The following GFM1 variants were observed in gnomAD, a reference collection of about 807,000 sequenced individuals.
GFM1 encodes G elongation factor mitochondrial 1, also known as elongation factor G, mitochondrial.
A neutral mutation model predicts 96.2 loss-of-function variants in GFM1; 62 were observed. The observed-to-expected ratio is 0.64, with a 90% CI of 0.53 to 0.80. GFM1 has a LOEUF of 0.80. Ranked by LOEUF, GFM1 falls within the 30% of genes least tolerant of loss-of-function variation. The pLI, the probability that GFM1 is intolerant of heterozygous loss-of-function variation, is 0.00. For missense variants in GFM1, 852 were observed against 916.6 expected, an observed-to-expected ratio of 0.93 and a Z score of 0.91; for synonymous variants, 282 against 312.9, an observed-to-expected ratio of 0.90 and a Z score of 1.04.
chr3:158,658,463 C>T (rs1722942211), intron 8 of GFM1, among the ~76,000 whole-genome samples: 1 of 152,140 alleles, frequency 6.6e-6, no homozygotes, highest in Admixed American at 6.5e-5. Flanking sequence ...CCAGCCCAGC[C>T]ACAGAACTCT....
At position 158,662,646 on chromosome 3, in the gene GFM1, G is replaced by C. The variant is rs1051102095; in HGVS notation, c.1342G>C (p.Asp448His). The C allele has an allele frequency of 1.3e-6, 2 of 1,598,954 alleles. No homozygotes were observed. Among genetic ancestry groups the C allele is most frequent in the African/African-American group, 1.3e-5 (1 of 74,638 alleles). The change falls in exon 11 of 18, where the codon GAT (aspartate) becomes CAT (histidine). Residue 448 changes from aspartate to histidine, a missense_variant. By Grantham distance (81) the Asp-to-His change is moderately conservative. Coordinates refer to ENST00000486715, the MANE Select transcript of GFM1 (RefSeq NM_024996.7). ...ATTTTAGGAGTCAATTCATGTTCCT[G>C]ATCCTGTCATTTCAATAGCAATGAA... ...GLSMESIHVP[D>H]PVISIAMKPS... is the part of the protein sequence containing the mutation.
chr3:158,690,071 G>T, intron 15 of GFM1, 92 bp from the exon 16 acceptor site: 1 of 1,144,072 alleles, frequency 8.7e-7, no homozygotes, highest in Non-Finnish European at 1.3e-6. Flanking sequence ...TGTACCTTTG[G>T]GAAAGCATCA....
chr3:158,644,617 G>A lies in GFM1; in HGVS notation c.-18G>A. 1 of 1,560,364 alleles carries A rather than the reference G, an allele frequency of 6.4e-7. No individual in the cohort carries two copies. Among genetic ancestry groups the A allele is most frequent in the Non-Finnish European group, 8.7e-7 (1 of 1,152,576 alleles). On this transcript the variant is annotated 5_prime_UTR_variant, in exon 1 of 18. Transcript: ENST00000486715. ...CCACCCGGCGCCACGGGACTTTGAC[G>A]CGTGCTCTGCGCTTGCCATGAGACT...
At chr3:158,672,495 C>T in intron 13 of GFM1, 2 of 1,613,548 alleles carry the variant, frequency 1.2e-6, no homozygotes, top group African/African-American at 1.3e-5. Context: ...TGAGCAGTGA[C>T]TTCAGGGCTT....
In GFM1 at chr3:158,644,584, A is replaced by G. The variant is rs1029494701; in HGVS notation, c.-51A>G. The G allele has an allele frequency of 1.4e-6, 2 of 1,476,734 alleles. No homozygotes were observed. Among genetic ancestry groups the G allele is most frequent in the Non-Finnish European group, 1.8e-6 (2 of 1,081,382 alleles). 91.5% of individuals were successfully genotyped at this position (1,476,734 alleles called of 1,614,324 possible). On this transcript the variant is annotated 5_prime_UTR_variant, in exon 1 of 18. Coordinates refer to ENST00000486715, the MANE Select transcript of GFM1 (RefSeq NM_024996.7). ...GACCGCTTCCCGGTGCGTTACCGGC[A>G]GCTGAACCCACCCGGCGCCACGGGA...
rs1726005523 is a variant in GFM1, at chr3:158,688,017, A to T, written c.1910-2146A>T. 2.6e-5 allele frequency among the ~76,000 whole-genome samples: 4 copies of T among 152,184 alleles called. No individual in the cohort carries two copies. The South Asian group carries it at 8.3e-4, about 32-fold the overall frequency. ...AATGAGCTTAGTATAAGAATAGCTT[A>T]TAACTGTAAGATATTATAGTTATTA... On this transcript the variant is annotated intron_variant, in intron 15 of 17. Coordinates refer to ENST00000486715, the MANE Select transcript of GFM1 (RefSeq NM_024996.7).
rs1203852501 is a variant in GFM1 at position 158,668,890 on chromosome 3, A to G, written c.1601+2504A>G. ...TCCCCTTTGAAATCCCAGGTTTGCT[A>G]TTAAATACAAAATGACTATAGGAAT... On this transcript the variant is annotated intron_variant, in intron 13 of 17. Transcript: ENST00000486715. 6 of 1,024,044 alleles carry G rather than the reference A, an allele frequency of 5.9e-6. No individual in the cohort carries two copies. In the East Asian group the frequency reaches 1.6e-4, roughly 28 times the overall value. The allele number at this position is 1,024,044 out of a possible 1,614,324, so 63.4% of individuals were successfully genotyped here. A position where few individuals can be genotyped will look rare whatever the true frequency, so the allele number is the denominator to read the frequency against.
chr3:158,682,062 G>C lies in GFM1; in HGVS notation c.1669G>C (p.Glu557Gln). Residue 557 changes from glutamate (E) to glutamine (Q), a missense_variant, in exon 14 of 18, where the codon GAG becomes CAG. Transcript: ENST00000486715. ...GTATGGAAAAGTAATAGGTGTCCTGGAGCCTCTGGACCCAGAGGACTACAC... is the reference window on the plus strand; with the variant it reads ...GTATGGAAAAGTAATAGGTGTCCTGCAGCCTCTGGACCCAGAGGACTACAC... ...GQYGKVIGVL[E>Q]PLDPEDYTKL... 6.2e-7 allele frequency: 1 copy of C among 1,612,866 alleles called. No individual in the cohort carries two copies. Among genetic ancestry groups the C allele is most frequent in the Non-Finnish European group, 8.5e-7 (1 of 1,179,104 alleles).
chr3:158,652,070 A>G (rs747710750), intron 5 of GFM1, 26 bp from the exon 6 acceptor site: 1 of 1,608,694 alleles, frequency 6.2e-7, no homozygotes, highest in Admixed American at 1.7e-5. Flanking sequence ...AATATCCTTA[A>G]AGCACCAAAA....
At chr3:158,685,632 T>G (rs1284277413) in intron 15 of GFM1, among the ~76,000 whole-genome samples, 1 of 152,200 alleles carries the variant, frequency 6.6e-6, no homozygotes, top group African/African-American at 2.4e-5. Flanking sequence ...TGCTGATTCC[T>G]TATTTTACTT....
rs779795698 is a variant in GFM1 at position 158,654,554 on chromosome 3, A to G, written c.1006A>G (p.Lys336Glu). 5.0e-6 allele frequency: 8 copies of G among 1,600,418 alleles called. No homozygotes were observed. The highest frequency in any genetic ancestry group is 1.7e-6 in the Non-Finnish European group (2 of 1,167,824). The change falls in exon 8 of 18, where the codon AAA becomes GAA. Residue 336 changes from lysine (K) to glutamate (E), a missense_variant. Coordinates refer to ENST00000486715, the MANE Select transcript of GFM1 (RefSeq NM_024996.7). ...YAILNKEDDS[K>E]EKTKILMNSS... ...TATTTCTTTTATTTTAAGTGACTCA[A>G]AAGAGAAAACCAAAATCCTAATGAA...
chr3:158,649,195 TA>T (rs1722095358), intron 5 of GFM1, 38 bp downstream of exon 5: 2 of 829,160 alleles, frequency 2.4e-6, no homozygotes, highest in Non-Finnish European at 4.2e-6. Flanking sequence ...TTTTAAATTT[TA>T]AAAAGCATTA....
rs951697096 is a variant in GFM1 at position 158,682,229 on chromosome 3, T to G, written c.1764+72T>G. On this transcript the variant is annotated intron_variant, in intron 14 of 17. Transcript: ENST00000486715. ...GTTTATCAGGTATTAAATCATACTT[T>G]GTCTTCCATCATGTTGTCTATCACA... 2.1e-5 allele frequency: 26 copies of G among 1,265,316 alleles called. 1 individual carries two copies. Among genetic ancestry groups the G allele is most frequent in the Non-Finnish European group, 2.9e-5 (26 of 885,500 alleles). The allele number at this position is 1,265,316 out of a possible 1,614,324, so 78.4% of individuals were successfully genotyped here.
intron 8 of GFM1, chr3:158,656,016 T>C: frequency 2.3e-6 from 1 of 436,150 alleles, no homozygotes; most frequent in South Asian, 1.7e-5. Flanking sequence ...GTTTATTATT[T>C]GATGCTTTTC....
At chr3:158,663,896 G>A (rs1723399719) in intron 11 of GFM1, among the ~76,000 whole-genome samples, 2 of 152,080 alleles carry the variant, frequency 1.3e-5, no homozygotes, top group Admixed American at 6.6e-5. Flanking sequence ...GAATAATGAA[G>A]TCTCCATGAG....
intron 13 of GFM1, among the ~76,000 whole-genome samples, chr3:158,677,292 G>C (rs951304209): frequency 9.2e-5 from 14 of 152,142 alleles, no homozygotes; most frequent in African/African-American, 3.4e-4. Flanking sequence ...CTCTAACTCT[G>C]TTCAATTTTA....
At chr3:158,685,787 A>C (rs1725786347) in intron 15 of GFM1, among the ~76,000 whole-genome samples, 1 of 152,184 alleles carries the variant, frequency 6.6e-6, no homozygotes, top group African/African-American at 2.4e-5. Flanking sequence ...TGACAAAGAA[A>C]ATGAGACTTT....
intron 12 of GFM1, 70 bp from the exon 13 acceptor site, chr3:158,666,234 A>G: frequency 9.7e-7 from 1 of 1,035,528 alleles, no homozygotes; most frequent in Non-Finnish European, 1.5e-6. Flanking sequence ...TAAGATATAT[A>G]AGATGCTTAG....
chr3:158,644,758 C>A (rs1261191329), intron 1 of GFM1, 43 bp downstream of exon 1: 1 of 1,488,108 alleles, frequency 6.7e-7, no homozygotes, highest in South Asian at 1.2e-5. Flanking sequence ...ATTCCCGGAA[C>A]CTTGTGATCC....
Sources: gnomAD v4.1 joint callset for allele counts (sites outside exome capture counted in the v4.1 genomes callset) on GRCh38, gnomAD v4.1.1 for gene constraint, MANE v1.5 for transcripts, NCBI Gene and HGNC (gene_info 2026-07-23, HGNC 2026-07-21) for gene names.